MRPL48: variants seen among roughly 807,000 people sequenced by gnomAD.
MRPL48 encodes mitochondrial ribosomal protein L48, also known as large ribosomal subunit protein mL48.
In MRPL48, 16 loss-of-function variants were observed where a neutral mutation model predicts 32.9. That is an observed-to-expected ratio of 0.49 (90% CI 0.33 to 0.74). The LOEUF is 0.74. MRPL48 is among the 30% of genes least tolerant of loss of function. The pLI, the probability that MRPL48 is intolerant of heterozygous loss-of-function variation, is 0.02. For synonymous variants in MRPL48, 94 were observed against 89.2 expected, an observed-to-expected ratio of 1.05 and a Z score of -0.31; for missense variants, 206 against 245.3, an observed-to-expected ratio of 0.84 and a Z score of 1.07.
chr11:73,812,732 ATATATATATT>A (rs1947590038), intron 3 of MRPL48, among the ~76,000 whole-genome samples: 2 of 138,686 alleles, frequency 1.4e-5, no homozygotes, highest in South Asian at 5.2e-4. Flanking sequence ...ATATATATAT[ATATATATATT>A]TATTTATTTA....
intron 4 of MRPL48, among the ~76,000 whole-genome samples, chr11:73,840,344 A>G (rs1181989998): frequency 6.6e-6 from 1 of 152,042 alleles, no homozygotes; most frequent in East Asian, 1.9e-4. Flanking sequence ...AAATGCAAAA[A>G]TTAGCTGGGC....
intron 1 of MRPL48, among the ~76,000 whole-genome samples, chr11:73,802,450 C>T (rs1201087181): frequency 6.6e-6 from 1 of 152,134 alleles, no homozygotes; most frequent in African/African-American, 2.4e-5. Context: ...AAAAAAACTC[C>T]ATACCCCTTA....
chr11:73,809,149 AT>A (rs1230826618), intron 3 of MRPL48, among the ~76,000 whole-genome samples: 1 of 152,068 alleles, frequency 6.6e-6, no homozygotes, highest in East Asian at 1.9e-4. Context: ...AATTAAAAAA[AT>A]TTAAAAAAAA....
chr11:73,826,999 C>T (rs999959568), intron 4 of MRPL48, among the ~76,000 whole-genome samples: 14 of 151,750 alleles, frequency 9.2e-5, no homozygotes, highest in Non-Finnish European at 2.1e-4. Context: ...TGGTCTCAAA[C>T]TCCCGACCTC....
chr11:73,863,264 A>G lies in MRPL48; in HGVS notation c.564+3A>G, dbSNP rs11827393. On this transcript the variant is annotated splice_donor_region_variant and intron_variant, in intron 7 of 7. Transcript: ENST00000310614. ...GAGTCAGACTGTCAGTGAAGGAGGT[A>G]GGTGCTGGTTTGAGAAGAGGCCCCT... The G allele has an allele frequency of 1.7e-4, 258 of 1,559,638 alleles. No individual in the cohort carries two copies. In the African/African-American group the frequency reaches 3.2e-3, roughly 20 times the overall value.
chr11:73,815,485 T>C (rs1219747352), intron 3 of MRPL48, among the ~76,000 whole-genome samples: 1 of 151,978 alleles, frequency 6.6e-6, no homozygotes, highest in African/African-American at 2.4e-5. Context: ...AGTTCCTGTG[T>C]AGATCTGGGA....
At chr11:73,810,295 G>A (rs1947540960) in intron 3 of MRPL48, among the ~76,000 whole-genome samples, 1 of 152,164 alleles carries the variant, frequency 6.6e-6, no homozygotes. Context: ...GCCGAGATGG[G>A]CGGATCACCT....
At chr11:73,854,136 G>A (rs1240628411) in intron 5 of MRPL48, among the ~76,000 whole-genome samples, 1 of 152,244 alleles carries the variant, frequency 6.6e-6, no homozygotes, top group East Asian at 1.9e-4. Flanking sequence ...TATAGTGAAG[G>A]GCACTGAATT....
intron 5 of MRPL48, among the ~76,000 whole-genome samples, chr11:73,858,153 G>A (rs564080404): frequency 6.6e-6 from 1 of 152,282 alleles, no homozygotes; most frequent in South Asian, 2.1e-4. Flanking sequence ...GTCTATGATT[G>A]TATCCCCATT....
intron 3 of MRPL48, among the ~76,000 whole-genome samples, chr11:73,822,297 C>T (rs1947797905): frequency 1.3e-5 from 2 of 152,136 alleles, no homozygotes; most frequent in African/African-American, 4.8e-5. Context: ...GCACCCCCAC[C>T]CCAAAGGCAG....
At position 73,827,762 on chromosome 11, in the gene MRPL48, C is replaced by T. The variant is rs150437624; in HGVS notation, c.201+1966C>T. Among the ~76,000 whole-genome samples the T allele has an allele frequency of 5.3e-3, 805 of 152,302 alleles. 3 individuals carry two copies. The highest frequency in any genetic ancestry group is 8.4e-3 in the Non-Finnish European group (572 of 68,030). ...AAACCACTAACCTTGCCGTGTTCTT[C>T]TGAGCTCATCCTTACAGTAAAGAAT... On this transcript the variant is annotated intron_variant, in intron 4 of 7. Coordinates refer to ENST00000310614, the MANE Select transcript of MRPL48 (RefSeq NM_016055.6).
chr11:73,822,910 T>C (rs1311924666), intron 3 of MRPL48: 3 of 416,738 alleles, frequency 7.2e-6, no homozygotes, highest in Non-Finnish European at 4.8e-6. Flanking sequence ...CATAGGAGCA[T>C]GAACTCTTTT....
intron 6 of MRPL48, among the ~76,000 whole-genome samples, chr11:73,861,474 G>A (rs1032204098): frequency 3.9e-5 from 6 of 152,042 alleles, no homozygotes; most frequent in Non-Finnish European, 5.9e-5. Context: ...TGTTCAAGCG[G>A]GTCTCCTGCC....
In MRPL48 at chr11:73,823,654, G is replaced by GTTT. The variant is rs57616234; in HGVS notation, c.113-2035_113-2033dup. 4.5e-3 allele frequency among the ~76,000 whole-genome samples: 474 copies of GTTT among 105,626 alleles called. 6 individuals are homozygous for GTTT. The highest frequency in any genetic ancestry group is 8.1e-3 in the African/African-American group (223 of 27,426). 69.3% of individuals were successfully genotyped at this position (105,626 alleles called of 152,430 possible). On this transcript the variant is annotated intron_variant, in intron 3 of 7. Coordinates refer to ENST00000310614, the MANE Select transcript of MRPL48 (RefSeq NM_016055.6). ...ATCTCTACCCTATCTTTTCTTTTCT[G>GTTT]TTTTTTTTTTTTTTTTTTTTTAATT...
intron 1 of MRPL48, among the ~76,000 whole-genome samples, chr11:73,795,191 C>G (rs1947233593): frequency 6.6e-6 from 1 of 152,142 alleles, no homozygotes; most frequent in South Asian, 2.1e-4. Flanking sequence ...GCTAGGATTA[C>G]AGGTGTGAGC....
At chr11:73,850,654 T>C in intron 5 of MRPL48, 2 of 307,526 alleles carry the variant, frequency 6.5e-6, no homozygotes, top group South Asian at 3.0e-5. Flanking sequence ...GGTTTTTTAC[T>C]ACTTCTGAGG....
At chr11:73,817,247 C>T (rs1947694622) in intron 3 of MRPL48, among the ~76,000 whole-genome samples, 1 of 152,092 alleles carries the variant, frequency 6.6e-6, no homozygotes, top group South Asian at 2.1e-4. Context: ...ATTTTTTCAA[C>T]ATTTTTCTAT....
At chr11:73,799,215 A>G (rs1033144532) in intron 1 of MRPL48, among the ~76,000 whole-genome samples, 6 of 152,020 alleles carry the variant, frequency 3.9e-5, no homozygotes, top group African/African-American at 1.4e-4. Flanking sequence ...AGCCGAGTGT[A>G]GTGGCACACA....
chr11:73,855,396 TAC>T (rs1254790871), intron 5 of MRPL48, among the ~76,000 whole-genome samples: 3 of 152,076 alleles, frequency 2.0e-5, no homozygotes, highest in Non-Finnish European at 4.4e-5. Flanking sequence ...TACCTCTAGT[TAC>T]ACTGGCTTTG....
Sources: gnomAD v4.1 joint callset for allele counts (sites outside exome capture counted in the v4.1 genomes callset) on GRCh38, gnomAD v4.1.1 for gene constraint, MANE v1.5 for transcripts, NCBI Gene and HGNC (gene_info 2026-07-23, HGNC 2026-07-21) for gene names.